The following THSD7B variants were observed in gnomAD, a reference collection of about 807,000 sequenced individuals.
THSD7B encodes the protein thrombospondin type 1 domain containing 7B.
Under a neutral mutation model 213.6 loss-of-function variants are expected in THSD7B, and 138 were observed. The observed-to-expected ratio is 0.65, with a 90% CI of 0.56 to 0.74. The LOEUF (loss-of-function observed/expected upper bound fraction) is 0.74. Ranked by LOEUF, THSD7B falls within the 30% of genes least tolerant of loss-of-function variation. The pLI, the probability that THSD7B is intolerant of heterozygous loss-of-function variation, is 0.00. For missense variants in THSD7B, 1,931 were observed against 1,991.5 expected (o/e 0.97, Z 0.58); for synonymous variants, 742 against 687.0 (o/e 1.08, Z -1.25).
At chr2:137,546,333 T>A (rs1446109217) in intron 15 of THSD7B, among the ~76,000 whole-genome samples, 1 of 107,572 alleles carries the variant, frequency 9.3e-6, no homozygotes, top group African/African-American at 3.6e-5. Flanking sequence ...TGTTCATGCA[T>A]TCAGTATTGA....
chr2:136,928,877 C>T (rs1684585826), intron 2 of THSD7B, among the ~76,000 whole-genome samples: 1 of 151,914 alleles, frequency 6.6e-6, no homozygotes, highest in Non-Finnish European at 1.5e-5. Context: ...AAATCACTTC[C>T]CTTTTTTCCC....
intron 2 of THSD7B, among the ~76,000 whole-genome samples, chr2:137,037,425 T>G (rs949778463): frequency 6.6e-6 from 1 of 151,882 alleles, no homozygotes; most frequent in South Asian, 2.1e-4. Flanking sequence ...TATATATATA[T>G]ACACACACGC....
At position 136,940,739 on chromosome 2, in the gene THSD7B, TA is replaced by T. The variant is rs1295772697; in HGVS notation, c.139+58423del. Among the ~76,000 whole-genome samples, 31 of 141,398 alleles carry T rather than the reference TA, an allele frequency of 2.2e-4. No individual in the cohort carries two copies. In the South Asian group the frequency reaches 3.5e-3, roughly 16 times the overall value. 92.8% of individuals were successfully genotyped at this position (141,398 alleles called of 152,430 possible). A position where few individuals can be genotyped will look rare whatever the true frequency, so the allele number is the denominator to read the frequency against. On this transcript the variant is annotated intron_variant, in intron 2 of 27. Coordinates refer to ENST00000409968, the MANE Select transcript of THSD7B (RefSeq NM_001316349.2). ...TATATATATATATAATATATATATATATATTTTTTCTTATTCCCATTCTTAG... is the reference window on the plus strand; with the variant it reads ...TATATATATATATAATATATATATATTATTTTTTCTTATTCCCATTCTTAG...
chr2:137,584,427 A>G (rs1681667055), intron 17 of THSD7B, among the ~76,000 whole-genome samples: 2 of 152,178 alleles, frequency 1.3e-5, no homozygotes, highest in Non-Finnish European at 2.9e-5. Flanking sequence ...TTTCAAAGGG[A>G]ATGCTTCCAA....
chr2:137,500,611 GCTA>G lies in THSD7B; in HGVS notation c.3138+49589_3138+49591del, dbSNP rs201945582. 4.4e-3 allele frequency among the ~76,000 whole-genome samples: 663 copies of G among 152,314 alleles called. 7 individuals carry two copies. Among genetic ancestry groups the G allele is most frequent in the African/African-American group, 0.016 (645 of 41,570 alleles). On this transcript the variant is annotated intron_variant, in intron 15 of 27. Transcript: ENST00000409968. Reference sequence around the variant, plus strand: ...TGACAGTCATTTAACGCTCTGTGAAGCTATCTTTTAAATCGTAAAATGAACATA... The same window carrying G: ...TGACAGTCATTTAACGCTCTGTGAAGTCTTTTAAATCGTAAAATGAACATA...
intron 1 of THSD7B, among the ~76,000 whole-genome samples, chr2:136,830,587 A>G (rs1682737367): frequency 6.6e-6 from 1 of 152,156 alleles, no homozygotes; most frequent in Non-Finnish European, 1.5e-5. Flanking sequence ...TCTTTCTCCA[A>G]TGCTGAATTT....
intron 2 of THSD7B, among the ~76,000 whole-genome samples, chr2:136,911,187 G>A (rs1427448131): frequency 1.3e-5 from 2 of 152,096 alleles, no homozygotes; most frequent in African/African-American, 2.4e-5. Context: ...TTTTCTGTAA[G>A]GGCAGGAAAA....
chr2:137,423,547 C>G (rs1686974361), intron 14 of THSD7B, among the ~76,000 whole-genome samples: 1 of 151,836 alleles, frequency 6.6e-6, no homozygotes, highest in Non-Finnish European at 1.5e-5. Context: ...ATAATAGCAT[C>G]AAAAAGACTG....
At chr2:137,450,737 C>T in intron 14 of THSD7B, 108 bp from the exon 15 acceptor site, 1 of 828,030 alleles carries the variant, frequency 1.2e-6, no homozygotes, top group South Asian at 2.4e-5. Context: ...ATTGAAGCCA[C>T]TACAGCAATA....
intron 15 of THSD7B, among the ~76,000 whole-genome samples, chr2:137,451,573 G>T (rs1010349285): frequency 2.6e-5 from 4 of 151,852 alleles, no homozygotes; most frequent in African/African-American, 9.7e-5. Context: ...AAAAATCATA[G>T]ATATTTTCAT....
At chr2:137,012,551 C>G (rs1558886523) in intron 2 of THSD7B, among the ~76,000 whole-genome samples, 1 of 152,004 alleles carries the variant, frequency 6.6e-6, no homozygotes, top group South Asian at 2.1e-4. Flanking sequence ...ACATTCAATT[C>G]TTTTTTTTGT....
intron 2 of THSD7B, among the ~76,000 whole-genome samples, chr2:136,889,839 C>T (rs977377361): frequency 2.6e-5 from 4 of 152,184 alleles, no homozygotes; most frequent in African/African-American, 9.7e-5. Context: ...CATCTTGAAT[C>T]CCTTGTTTCC....
intron 1 of THSD7B, among the ~76,000 whole-genome samples, chr2:136,872,674 A>G (rs1164790282): frequency 7.3e-6 from 1 of 137,162 alleles, no homozygotes; most frequent in Non-Finnish European, 1.5e-5. Flanking sequence ...CTCTCCCTTC[A>G]TTCCTTGACA....
At chr2:136,993,577 G>A (rs75571694) in intron 2 of THSD7B, among the ~76,000 whole-genome samples, 1 of 152,170 alleles carries the variant, frequency 6.6e-6, no homozygotes, top group African/African-American at 2.4e-5. Context: ...CAGTACATCA[G>A]TACATAGTAC....
At chr2:137,075,679 C>T (rs1687606073) in intron 3 of THSD7B, among the ~76,000 whole-genome samples, 1 of 152,132 alleles carries the variant, frequency 6.6e-6, no homozygotes, top group South Asian at 2.1e-4. Flanking sequence ...TTAGAGTTTC[C>T]AGTTTTTCTG....
In THSD7B at chr2:137,564,048, A is replaced by G. The variant is rs556946089; in HGVS notation, c.3272+694A>G. Among the ~76,000 whole-genome samples the G allele has an allele frequency of 1.4e-4, 21 of 152,332 alleles. No homozygotes were observed. In the East Asian group the frequency reaches 3.3e-3, roughly 24 times the overall value. The stretch of plus-strand genomic sequence containing the variant: ...AATGGCAATGAACATTAGACAATTA[A>G]AACAGCAGAAGTTACAATATTTATA... On this transcript the variant is annotated intron_variant, in intron 16 of 27. Transcript: ENST00000409968.
At chr2:137,230,931 A>G (rs935740238) in intron 7 of THSD7B, 113 bp from the exon 8 acceptor site, 3 of 1,043,718 alleles carry the variant, frequency 2.9e-6, no homozygotes, top group Non-Finnish European at 4.1e-6. Flanking sequence ...AATATTGTGA[A>G]TGGCTGAAGA....
In THSD7B at chr2:137,316,767, AAAG is replaced by A. The variant is rs751938102; in HGVS notation, c.2500+40744_2500+40746del. Among the ~76,000 whole-genome samples, 817 of 127,040 alleles carry A rather than the reference AAAG, an allele frequency of 6.4e-3. 27 individuals carry two copies. Among genetic ancestry groups the A allele is most frequent in the African/African-American group, 0.02 (741 of 36,386 alleles). The allele number at this position is 127,040 out of a possible 152,430, so 83.3% of individuals were successfully genotyped here. On this transcript the variant is annotated intron_variant, in intron 12 of 27. Transcript: ENST00000409968. ...AGCGAGACTCTGTCTCAAAAAAAAA[AAAG>A]AAAAAGAAAAAAAAAGAAAAGGCGA...
At chr2:137,098,522 G>A (rs1038242233) in intron 4 of THSD7B, among the ~76,000 whole-genome samples, 1 of 152,144 alleles carries the variant, frequency 6.6e-6, no homozygotes, top group Admixed American at 6.6e-5. Flanking sequence ...ATGCTGTGAT[G>A]AGGGGTCAGC....
Sources: allele counts gnomAD v4.1 joint callset (sites outside exome capture counted in the v4.1 genomes callset), GRCh38; gene constraint gnomAD v4.1.1; transcripts MANE v1.5; gene names NCBI Gene and HGNC (gene_info 2026-07-23, HGNC 2026-07-21).